DGKB: variants seen among roughly 807,000 people sequenced by gnomAD.
The protein encoded by DGKB is diacylglycerol kinase beta.
A neutral mutation model predicts 114.3 loss-of-function variants in DGKB; 67 were observed. That is an observed-to-expected ratio of 0.59 (90% CI 0.48 to 0.72). The LOEUF (loss-of-function observed/expected upper bound fraction) is 0.72, where lower values mean the gene tolerates loss of function less well. DGKB is among the 30% of genes least tolerant of loss of function. DGKB has a pLI of 0.00. For synonymous variants in DGKB, 398 were observed against 323.1 expected (o/e 1.23, Z -2.49); for missense variants, 907 against 975.2 (o/e 0.93, Z 0.93).
At chr7:14,583,541 T>C (rs973809503) in intron 17 of DGKB, among the ~76,000 whole-genome samples, 3 of 152,212 alleles carry the variant, frequency 2.0e-5, no homozygotes, top group Non-Finnish European at 4.4e-5. Flanking sequence ...TGAGTGAATA[T>C]ATAAATGTGA....
At chr7:14,779,517 C>A (rs111349337) in intron 2 of DGKB, among the ~76,000 whole-genome samples, 14 of 151,070 alleles carry the variant, frequency 9.3e-5, no homozygotes, top group African/African-American at 3.4e-4. Context: ...GCCTGGGCAA[C>A]AGAAAAAAAA....
At chr7:14,173,631 T>G (rs1781327641) in intron 25 of DGKB, among the ~76,000 whole-genome samples, 1 of 152,204 alleles carries the variant, frequency 6.6e-6, no homozygotes, top group Non-Finnish European at 1.5e-5. Context: ...GCATTCTTAT[T>G]TTCTGTAAGA....
chr7:14,266,489 G>A (rs979429265), intron 23 of DGKB, among the ~76,000 whole-genome samples: 3 of 152,160 alleles, frequency 2.0e-5, no homozygotes, highest in African/African-American at 7.2e-5. Flanking sequence ...ATTCTTAGAA[G>A]AGCATCCATA....
intron 1 of DGKB, among the ~76,000 whole-genome samples, chr7:14,862,936 C>G: frequency 6.6e-6 from 1 of 151,774 alleles, no homozygotes; most frequent in Non-Finnish European, 1.5e-5. Context: ...TCTCTGCTTT[C>G]CCTCTGAAAT....
chr7:14,466,211 G>A (rs1306546661), intron 21 of DGKB, among the ~76,000 whole-genome samples: 1 of 152,136 alleles, frequency 6.6e-6, no homozygotes, highest in Non-Finnish European at 1.5e-5. Flanking sequence ...CTCATTGAGT[G>A]CCTAGGAGCA....
chr7:14,967,458 T>C lies in DGKB; in HGVS notation c.-188+7238A>G, dbSNP rs552110452. 2.6e-5 allele frequency among the ~76,000 whole-genome samples: 4 copies of C among 151,940 alleles called. No individual in the cohort carries two copies. The East Asian group carries it at 5.8e-4, about 22-fold the overall frequency. ...GCCTCAGCCTTCCAAGTAGCTGGGA[T>C]TGTAGGCATGCACCACCACGCCTGA... On this transcript the variant is annotated intron_variant, in intron 1 of 4. Coordinates refer to the DGKB transcript ENST00000437998.
At chr7:14,393,080 C>G (rs1207832624) in intron 21 of DGKB, among the ~76,000 whole-genome samples, 1 of 146,878 alleles carries the variant, frequency 6.8e-6, no homozygotes, top group South Asian at 2.2e-4. Context: ...GCTCTGCCCC[C>G]TGGGGTTCAC....
chr7:14,353,988 A>G (rs986548113), intron 21 of DGKB, among the ~76,000 whole-genome samples: 1 of 152,204 alleles, frequency 6.6e-6, no homozygotes, highest in African/African-American at 2.4e-5. Flanking sequence ...CCCAATTTGC[A>G]TCAGATATTT....
chr7:14,852,745 A>G (rs998391978), intron 1 of DGKB, among the ~76,000 whole-genome samples: 5 of 152,148 alleles, frequency 3.3e-5, no homozygotes, highest in South Asian at 2.1e-4. Flanking sequence ...GGCTTTCTCA[A>G]TCTATCTGAC....
chr7:14,968,324 T>C (rs1355643486), intron 1 of DGKB, among the ~76,000 whole-genome samples: 2 of 152,192 alleles, frequency 1.3e-5, no homozygotes, highest in Non-Finnish European at 2.9e-5. Flanking sequence ...ATTGTGTTTG[T>C]GTACATGACT....
At chr7:14,312,699 T>C (rs1284860700) in intron 23 of DGKB, among the ~76,000 whole-genome samples, 1 of 152,188 alleles carries the variant, frequency 6.6e-6, no homozygotes, top group African/African-American at 2.4e-5. Context: ...AAGGTACTGA[T>C]GGTAAAATTA....
intron 23 of DGKB, among the ~76,000 whole-genome samples, chr7:14,265,318 CTTTTTT>C (rs781569705): frequency 7.4e-5 from 5 of 67,732 alleles, no homozygotes; most frequent in East Asian, 1.5e-3. Context: ...CTCTTGCATT[CTTTTTT>C]TTTTTTTTTT....
intron 21 of DGKB, among the ~76,000 whole-genome samples, chr7:14,466,519 G>T (rs1053664889): frequency 2.6e-5 from 4 of 152,028 alleles, no homozygotes; most frequent in African/African-American, 4.8e-5. Context: ...GCAAAATAGG[G>T]GCAAGAACCT....
intron 1 of DGKB, among the ~76,000 whole-genome samples, chr7:14,942,568 G>A (rs1290069663): frequency 6.6e-6 from 1 of 151,920 alleles, no homozygotes. Context: ...AGTAATTACA[G>A]CTTCAGGCTG....
intron 9 of DGKB, among the ~76,000 whole-genome samples, chr7:14,688,555 T>A (rs1822126384): frequency 6.6e-6 from 1 of 152,208 alleles, no homozygotes; most frequent in Admixed American, 6.5e-5. Context: ...GAAAGATACC[T>A]AAAATTTCAC....
intron 1 of DGKB, among the ~76,000 whole-genome samples, chr7:14,898,042 A>G (rs1782391292): frequency 6.6e-6 from 1 of 152,050 alleles, no homozygotes; most frequent in Non-Finnish European, 1.5e-5. Context: ...TCTGTGGCAT[A>G]TTCAATAATA....
chr7:14,711,809 AT>A (rs1233584557), intron 6 of DGKB, among the ~76,000 whole-genome samples: 1 of 152,148 alleles, frequency 6.6e-6, no homozygotes, highest in Non-Finnish European at 1.5e-5. Context: ...AATGAAAGGA[AT>A]TCTGGGCTAA....
intron 20 of DGKB, among the ~76,000 whole-genome samples, chr7:14,515,287 G>A (rs1788607838): frequency 1.3e-5 from 2 of 152,076 alleles, no homozygotes; most frequent in Admixed American, 1.3e-4. Flanking sequence ...TATCTCTGAG[G>A]AAATGGATTA....
chr7:14,758,890 T>TAGATAGAG (rs1289588353), intron 2 of DGKB, among the ~76,000 whole-genome samples: 1 of 116,352 alleles, frequency 8.6e-6, no homozygotes, highest in African/African-American at 5.2e-5. Context: ...AAACAATAGA[T>TAGATAGAG]AGATAGATAG....
Sources: allele counts gnomAD v4.1 joint callset (sites outside exome capture counted in the v4.1 genomes callset), GRCh38; gene constraint gnomAD v4.1.1; transcripts MANE v1.5; gene names NCBI Gene and HGNC (gene_info 2026-07-23, HGNC 2026-07-21).